The following TNRC6A variants were observed in gnomAD, a reference collection of about 807,000 sequenced individuals.
TNRC6A encodes the protein trinucleotide repeat containing adaptor 6A, also known as trinucleotide repeat-containing gene 6A protein.
A neutral mutation model predicts 221.2 loss-of-function variants in TNRC6A; 44 were observed. The observed-to-expected ratio is 0.20, with a 90% CI of 0.16 to 0.26. The LOEUF (loss-of-function observed/expected upper bound fraction) is 0.26. Among genes scored for constraint, TNRC6A ranks in the 10% least tolerant of loss-of-function variants. The pLI is 1.00. For missense variants in TNRC6A, 2,199 were observed against 2,404.4 expected, an observed-to-expected ratio of 0.91 and a Z score of 1.79; for synonymous variants, 847 against 838.5, an observed-to-expected ratio of 1.01 and a Z score of -0.18.
chr16:24,642,198 G>T (rs1901985004), intron 2 of TNRC6A, among the ~76,000 whole-genome samples: 1 of 152,220 alleles, frequency 6.6e-6, no homozygotes, highest in African/African-American at 2.4e-5. Flanking sequence ...AAGGCGGTGT[G>T]AGGAGGCTCA....
intron 2 of TNRC6A, among the ~76,000 whole-genome samples, chr16:24,682,303 C>T (rs376544527): frequency 5.3e-4 from 81 of 151,536 alleles, no homozygotes; most frequent in African/African-American, 1.6e-3. Context: ...CTCAGCTCAC[C>T]GCAGCCTCAA....
At chr16:24,621,521 C>T (rs9940675) in intron 1 of TNRC6A, among the ~76,000 whole-genome samples, 5,740 of 151,844 alleles carry the variant, frequency 0.038, 262 homozygotes, top group East Asian at 0.13. Flanking sequence ...CCACACCCAA[C>T]TAATTTTTGT....
intron 21 of TNRC6A, 65 bp from the exon 22 acceptor site, chr16:24,820,071 CATT>C: frequency 1.4e-6 from 2 of 1,416,500 alleles, no homozygotes; most frequent in Non-Finnish European, 2.0e-6. Flanking sequence ...GAATGGATGT[CATT>C]ATTTAAATTT....
At chr16:24,611,606 A>T (rs1948695688) in intron 1 of TNRC6A, among the ~76,000 whole-genome samples, 1 of 152,208 alleles carries the variant, frequency 6.6e-6, no homozygotes, top group Non-Finnish European at 1.5e-5. Flanking sequence ...CATCTCGTAG[A>T]GCTGGCTCCG....
At chr16:24,643,587 C>T (rs7190684) in intron 2 of TNRC6A, among the ~76,000 whole-genome samples, 109,038 of 151,994 alleles carry the variant, frequency 0.72, 40,262 homozygotes, top group African/African-American at 0.89. Flanking sequence ...TTCTTCTGTT[C>T]GGAGGCTAAC....
At chr16:24,701,782 C>T (rs141231476) in intron 2 of TNRC6A, among the ~76,000 whole-genome samples, 25 of 152,308 alleles carry the variant, frequency 1.6e-4, no homozygotes, top group Admixed American at 1.1e-3. Context: ...ATAAGAAAAA[C>T]ATTCTCTGCA....
intron 1 of TNRC6A, among the ~76,000 whole-genome samples, chr16:24,632,932 C>T (rs1596562105): frequency 1.3e-5 from 2 of 150,602 alleles, no homozygotes; most frequent in East Asian, 2.0e-4. Flanking sequence ...TCACTTGAAT[C>T]TGGGAGGCGG....
intron 2 of TNRC6A, among the ~76,000 whole-genome samples, chr16:24,675,358 G>A (rs922326927): frequency 2.0e-5 from 3 of 151,872 alleles, no homozygotes; most frequent in African/African-American, 4.8e-5. Context: ...TCAGGCTGCC[G>A]AAGGATACAG....
At position 24,809,381 on chromosome 16, in the gene TNRC6A, T is replaced by C. The variant is rs1217009727; in HGVS notation, c.4572T>C (p.Asp1524=). 5.1e-6 allele frequency: 8 copies of C among 1,574,346 alleles called. No individual in the cohort carries two copies. The Admixed American group carries it at 1.4e-4, about 27-fold the overall frequency. ...ACTCAAACTTGAATGTAAATATGGA[T>C]ATGAACAGTATTAAAGAGCCACAGT... ...GLNSNLNVNM[D]MNSIKEPQSR... is the part of the protein sequence containing the mutation. Residue 1524 remains aspartate, a synonymous_variant, in exon 18 of 25, where the codon GAT becomes GAC. Coordinates refer to ENST00000395799, the MANE Select transcript of TNRC6A (RefSeq NM_014494.4).
At chr16:24,808,145 A>G (rs1459436734) in intron 17 of TNRC6A, among the ~76,000 whole-genome samples, 2 of 152,252 alleles carry the variant, frequency 1.3e-5, no homozygotes, top group Admixed American at 6.5e-5. Context: ...TAGTAAAAGA[A>G]TGATACCCAA....
chr16:24,633,686 C>T (rs1901470026), intron 1 of TNRC6A, among the ~76,000 whole-genome samples: 1 of 152,178 alleles, frequency 6.6e-6, no homozygotes, highest in Non-Finnish European at 1.5e-5. Flanking sequence ...AGCCACTGTG[C>T]CCGGCTTTTA....
chr16:24,729,400 A>G (rs1305947602), upstream of TNRC6A, among the ~76,000 whole-genome samples: 1 of 109,812 alleles, frequency 9.1e-6, no homozygotes, highest in Admixed American at 1.0e-4. Flanking sequence ...GAGGGGAGGG[A>G]CTCCCCTCCT....
chr16:24,783,287 C>T (rs1223391516), intron 5 of TNRC6A, among the ~76,000 whole-genome samples: 2 of 152,096 alleles, frequency 1.3e-5, no homozygotes, highest in Admixed American at 1.3e-4. Context: ...CACCACCATG[C>T]CCAGCTAATT....
rs753663908 is a variant in TNRC6A at position 24,805,622 on chromosome 16, G to C, written c.4140G>C (p.Leu1380=). 1.9e-6 allele frequency: 3 copies of C among 1,614,102 alleles called. No individual in the cohort carries two copies. The highest frequency in any genetic ancestry group is 2.5e-6 in the Non-Finnish European group (3 of 1,180,016). The change falls in exon 15 of 25, where the codon CTG becomes CTC. Residue 1380 remains leucine, a synonymous_variant. Transcript: ENST00000395799. ...ATCCTAAGGTTCCAGTTTCATTGCT[G>C]AAGTATGCACCAAACAACGGTGGCC... ...LLSPQVPVSL[L]KYAPNNGGLN...
chr16:24,792,945 C>T lies in TNRC6A; in HGVS notation c.3176-528C>T, dbSNP rs111915508. ...CTGGGACTACAGGTGTGTGCCACCA[C>T]GCCCAGCTAATCTTTGTATTTTTAG... is the stretch of plus-strand genomic sequence containing the variant. On this transcript the variant is annotated intron_variant, in intron 6 of 24. Coordinates refer to ENST00000395799, the MANE Select transcript of TNRC6A (RefSeq NM_014494.4). Among the ~76,000 whole-genome samples, 1,021 of 152,080 alleles carry T rather than the reference C, an allele frequency of 6.7e-3. 15 individuals carry two copies. Among genetic ancestry groups the T allele is most frequent in the African/African-American group, 0.024 (978 of 41,474 alleles).
At chr16:24,787,300 A>T (rs908867798) in intron 5 of TNRC6A, among the ~76,000 whole-genome samples, 1 of 152,206 alleles carries the variant, frequency 6.6e-6, no homozygotes, top group Non-Finnish European at 1.5e-5. Context: ...TCCTGTCTAC[A>T]TTCTTAGGCA....
intron 1 of TNRC6A, among the ~76,000 whole-genome samples, chr16:24,635,000 C>A (rs1355285105): frequency 6.6e-6 from 1 of 152,088 alleles, no homozygotes; most frequent in Admixed American, 6.6e-5. Context: ...TGCTATGTTG[C>A]CCAGGCTGGT....
chr16:24,788,773 C>T (rs948828322), intron 5 of TNRC6A, among the ~76,000 whole-genome samples: 2 of 151,966 alleles, frequency 1.3e-5, no homozygotes, highest in African/African-American at 4.8e-5. Context: ...CTCAGCCTCC[C>T]GAGTAGCTGG....
chr16:24,785,227 T>C (rs1341197300), intron 5 of TNRC6A, among the ~76,000 whole-genome samples: 1 of 152,246 alleles, frequency 6.6e-6, no homozygotes, highest in Non-Finnish European at 1.5e-5. Flanking sequence ...CTCTTCTTTT[T>C]GAAATTTTTT....
Sources: allele counts gnomAD v4.1 joint callset (sites outside exome capture counted in the v4.1 genomes callset), GRCh38; gene constraint gnomAD v4.1.1; transcripts MANE v1.5; gene names NCBI Gene and HGNC (gene_info 2026-07-23, HGNC 2026-07-21).